The following ARMC2 variants were observed in gnomAD, a reference collection of about 807,000 sequenced individuals.
ARMC2 encodes the protein armadillo repeat containing 2, also known as armadillo repeat-containing protein 2.
A neutral mutation model predicts 90.3 loss-of-function variants in ARMC2; 67 were observed. The ratio of observed to expected loss-of-function variants is 0.74; its 90% confidence interval spans 0.61 to 0.91. ARMC2 has a LOEUF of 0.91. Ranked by LOEUF, ARMC2 falls within the 40% of genes least tolerant of loss-of-function variation. The pLI, the probability that ARMC2 is intolerant of heterozygous loss-of-function variation, is 0.00. For synonymous variants in ARMC2, 393 were observed against 393.0 expected (o/e 1.00, Z 0.00); for missense variants, 920 against 1,030.9 (o/e 0.89, Z 1.47).
chr6:108,996,859 A>T, the ARMC2 span, among the ~76,000 whole-genome samples: 8 of 152,194 alleles, frequency 5.3e-5, no homozygotes, highest in African/African-American at 1.7e-4. Flanking sequence ...ATTCAGTGCT[A>T]AAAAGAAATT....
rs1562381747 is a variant in ARMC2, at chr6:108,912,488, TAAAAC to T, written c.1284_1288del (p.Lys428AsnfsTer3). ...GCTGTGGAAATACTGATAAATTTGATAAAACAAATAAATGAGAACATCAAGAAATG... is the reference window on the plus strand; with the variant it reads ...GCTGTGGAAATACTGATAAATTTGATAAATAAATGAGAACATCAAGAAATG... On this transcript the variant is annotated frameshift_variant, in exon 10 of 18. Transcript: ENST00000392644. LOFTEE classifies it high-confidence loss of function. 2 of 1,613,870 alleles carry T rather than the reference TAAAAC, an allele frequency of 1.2e-6. No individual in the cohort carries two copies. Among genetic ancestry groups the T allele is most frequent in the Non-Finnish European group, 1.7e-6 (2 of 1,179,894 alleles).
At chr6:108,920,683 G>A (rs922736688) in intron 10 of ARMC2, among the ~76,000 whole-genome samples, 3 of 152,136 alleles carry the variant, frequency 2.0e-5, no homozygotes, top group Admixed American at 2.0e-4. Flanking sequence ...AGTTATCACC[G>A]TGGTTGGAGG....
At chr6:108,890,363 T>G (rs947413012) in intron 5 of ARMC2, among the ~76,000 whole-genome samples, 1 of 151,976 alleles carries the variant, frequency 6.6e-6, no homozygotes, top group Non-Finnish European at 1.5e-5. Context: ...AAGAGAAAAT[T>G]AATCTGTTTA....
chr6:108,964,083 G>A, intron 15 of ARMC2, 97 bp from the exon 16 acceptor site: 3 of 1,386,542 alleles, frequency 2.2e-6, no homozygotes, highest in Non-Finnish European at 3.0e-6. Flanking sequence ...TTCTGGGTTT[G>A]CAAGCCACTC....
At chr6:108,960,571 T>G (rs1777921403) in intron 13 of ARMC2, among the ~76,000 whole-genome samples, 1 of 152,174 alleles carries the variant, frequency 6.6e-6, no homozygotes, top group Non-Finnish European at 1.5e-5. Flanking sequence ...AGCTGACATT[T>G]TAGGGCTGAA....
At chr6:108,881,969 A>G (rs957696874) in intron 5 of ARMC2, among the ~76,000 whole-genome samples, 9 of 152,154 alleles carry the variant, frequency 5.9e-5, no homozygotes, top group African/African-American at 2.2e-4. Context: ...GATAAATACT[A>G]TTAAGATAGG....
At chr6:108,951,924 C>T (rs189045304) in intron 12 of ARMC2, among the ~76,000 whole-genome samples, 9 of 152,350 alleles carry the variant, frequency 5.9e-5, no homozygotes, top group East Asian at 1.9e-4. Context: ...AAAAAGTACA[C>T]GACACCCTGT....
intron 9 of ARMC2, among the ~76,000 whole-genome samples, chr6:108,911,490 T>C (rs9374057): frequency 0.037 from 5,643 of 152,246 alleles, 234 homozygotes; most frequent in East Asian, 0.2. Flanking sequence ...AATTAAGATA[T>C]CTAGTTACCT....
Position 108,973,417 on chromosome 6 carries a change from A to G in ARMC2, c.2507A>G (p.His836Arg), listed in dbSNP as rs1308846355. ...DPDLKNYHKL[H>R]WETEFKPVAQ... ...GACCTAAAAAACTATCACAAACTCC[A>G]TTGGGAAACAGAATTCAAACCTGTG... Residue 836 changes from histidine to arginine, a missense_variant, in exon 18 of 18, where the codon CAT (histidine) becomes CGT (arginine). Transcript: ENST00000392644. 5 of 1,613,798 alleles carry G rather than the reference A, an allele frequency of 3.1e-6. No homozygotes were observed. The highest frequency in any genetic ancestry group is 3.4e-6 in the Non-Finnish European group (4 of 1,179,796).
chr6:108,997,464 G>T, the ARMC2 span, among the ~76,000 whole-genome samples: 1 of 152,170 alleles, frequency 6.6e-6, no homozygotes, highest in African/African-American at 2.4e-5. Flanking sequence ...GTCTTTGGCA[G>T]TCCTATGATC....
chr6:108,899,744 G>T lies in ARMC2; in HGVS notation c.799G>T (p.Val267Phe), dbSNP rs768869041. Residue 267 changes from valine to phenylalanine, a missense_variant, in exon 7 of 18, where the codon GTC (valine) becomes TTC (phenylalanine). Physicochemically the swap from Val to Phe is conservative, Grantham distance 50. Coordinates refer to ENST00000392644, the MANE Select transcript of ARMC2 (RefSeq NM_032131.6). ...GGACGCAGAAATAGAAGTAGACGAA[G>T]TCTTTTGGAATACAAGGATTGTACC... is the stretch of plus-strand genomic sequence containing the variant. ...EEDAEIEVDE[V>F]FWNTRIVPIL... 9.3e-6 allele frequency: 15 copies of T among 1,613,580 alleles called. No homozygotes were observed. The African/African-American group carries it at 1.1e-4, about 11-fold the overall frequency.
the ARMC2 span, among the ~76,000 whole-genome samples, chr6:109,051,763 G>C: frequency 1.7e-4 from 26 of 152,130 alleles, no homozygotes; most frequent in Non-Finnish European, 2.9e-4. Context: ...CACAGTTCTG[G>C]AGGCTGGAAA....
intron 2 of ARMC2, among the ~76,000 whole-genome samples, chr6:108,857,111 G>A (rs1187541719): frequency 6.6e-6 from 1 of 152,154 alleles, no homozygotes; most frequent in Non-Finnish European, 1.5e-5. Flanking sequence ...AAAATGACTT[G>A]CCAGGATTTT....
intron 15 of ARMC2, 87 bp from the exon 16 acceptor site, chr6:108,964,093 C>A: frequency 6.8e-7 from 1 of 1,464,150 alleles, no homozygotes; most frequent in Non-Finnish European, 9.3e-7. Context: ...GCAAGCCACT[C>A]CCCGTTTCCC....
At chr6:108,956,821 A>G (rs558388626) in intron 13 of ARMC2, among the ~76,000 whole-genome samples, 17 of 152,170 alleles carry the variant, frequency 1.1e-4, no homozygotes, top group Non-Finnish European at 1.8e-4. Context: ...GCAAAACCCC[A>G]TCTCTACTAA....
At chr6:108,994,623 A>G in the ARMC2 span, 1 of 1,604,520 alleles carries the variant, frequency 6.2e-7, no homozygotes, top group Non-Finnish European at 8.5e-7. Flanking sequence ...AAGAAAAAAT[A>G]CAATTAATGT....
intron 10 of ARMC2, among the ~76,000 whole-genome samples, chr6:108,916,590 C>A (rs1400103292): frequency 6.6e-6 from 1 of 152,160 alleles, no homozygotes; most frequent in Non-Finnish European, 1.5e-5. Flanking sequence ...TTAGGGTGAG[C>A]TCCCTGGAAC....
chr6:108,921,354 T>C (rs1250562785), intron 10 of ARMC2, among the ~76,000 whole-genome samples: 1 of 152,182 alleles, frequency 6.6e-6, no homozygotes, highest in Non-Finnish European at 1.5e-5. Context: ...ATTGGAGGTT[T>C]AAGGAGGACA....
intron 10 of ARMC2, among the ~76,000 whole-genome samples, chr6:108,926,095 G>A (rs1775080193): frequency 6.6e-6 from 1 of 152,178 alleles, no homozygotes; most frequent in Admixed American, 6.5e-5. Flanking sequence ...CCTTGCCAGA[G>A]CTTAGATGTG....
Sources: gnomAD v4.1 joint callset for allele counts (sites outside exome capture counted in the v4.1 genomes callset) on GRCh38, gnomAD v4.1.1 for gene constraint, MANE v1.5 for transcripts, NCBI Gene and HGNC (gene_info 2026-07-23, HGNC 2026-07-21) for gene names.